EPC2: variants seen among roughly 807,000 people sequenced by gnomAD.
EPC2 encodes the protein enhancer of polycomb 2, also known as enhancer of polycomb homolog 2.
Under a neutral mutation model 92.1 loss-of-function variants are expected in EPC2, and 14 were observed. That is an observed-to-expected ratio of 0.15 (90% CI 0.10 to 0.24). EPC2 has a LOEUF of 0.24. EPC2 is among the 10% of genes least tolerant of loss of function. The pLI is 1.00. For missense variants in EPC2, 755 were observed against 971.5 expected, an observed-to-expected ratio of 0.78 and a Z score of 2.96; for synonymous variants, 340 against 334.7, an observed-to-expected ratio of 1.02 and a Z score of -0.17.
In EPC2 at chr2:148,786,741, A is replaced by T. The variant is rs960905956; in HGVS notation, c.*364A>T. 1 of 157,162 alleles carries T rather than the reference A, an allele frequency of 6.4e-6. No homozygotes were observed. Among genetic ancestry groups the T allele is most frequent in the Non-Finnish European group, 1.4e-5 (1 of 71,176 alleles). The allele number at this position is 157,162 out of a possible 1,614,324, so 9.7% of individuals were successfully genotyped here. ...TTTAACTATTTATTTTGCCATGTTT[A>T]CATTTTGTATCTTGTAAAAATAAAT... On this transcript the variant is annotated 3_prime_UTR_variant, in exon 14 of 14. Transcript: ENST00000258484.
In EPC2 at chr2:148,674,566, T is replaced by G. The variant is rs1681225671; in HGVS notation, c.154-15648T>G. Among the ~76,000 whole-genome samples, 3 of 152,314 alleles carry G rather than the reference T, an allele frequency of 2.0e-5. No individual in the cohort carries two copies. In the South Asian group the frequency reaches 6.2e-4, roughly 32 times the overall value. Reference sequence around the variant, plus strand: ...ACAAAGTTGCTGAGCCCAATTCTGTTCTCAGTGGACCCCAGGTATCCAAAG... The same window carrying G: ...ACAAAGTTGCTGAGCCCAATTCTGTGCTCAGTGGACCCCAGGTATCCAAAG... On this transcript the variant is annotated intron_variant, in intron 1 of 13. Transcript: ENST00000258484.
chr2:148,677,968 C>A (rs1006853316), intron 1 of EPC2, among the ~76,000 whole-genome samples: 1 of 152,106 alleles, frequency 6.6e-6, no homozygotes, highest in African/African-American at 2.4e-5. Flanking sequence ...AACAAAGCTT[C>A]CACAGTGTGG....
At chr2:148,659,889 G>T (rs16829136) in intron 1 of EPC2, among the ~76,000 whole-genome samples, 28,022 of 152,008 alleles carry the variant, frequency 0.18, 3,301 homozygotes, top group East Asian at 0.49. Flanking sequence ...TCGTTGGAAA[G>T]GTACTCAGCC....
At chr2:148,677,797 T>A (rs1377197226) in intron 1 of EPC2, among the ~76,000 whole-genome samples, 2 of 152,040 alleles carry the variant, frequency 1.3e-5, no homozygotes, top group African/African-American at 4.8e-5. Flanking sequence ...TTACAGCTCT[T>A]AAGGCGGCGC....
Position 148,644,963 on chromosome 2 carries a change from CT to C in EPC2, c.-54del, listed in dbSNP as rs1683762650. 41 of 1,483,230 alleles carry C rather than the reference CT, an allele frequency of 2.8e-5. No homozygotes were observed. In the South Asian group the frequency reaches 4.8e-4, roughly 17 times the overall value. The allele number at this position is 1,483,230 out of a possible 1,614,324, so 91.9% of individuals were successfully genotyped here. On this transcript the variant is annotated 5_prime_UTR_variant, in exon 1 of 14. Coordinates refer to ENST00000258484, the MANE Select transcript of EPC2 (RefSeq NM_015630.4). ...AGGAGGCGGCGGGAGTCCTCCCCCCCTCCCCGCCCGCCCCGCCGCCGCCGCC... is the reference window on the plus strand; with the variant it reads ...AGGAGGCGGCGGGAGTCCTCCCCCCCCCCCGCCCGCCCCGCCGCCGCCGCC...
intron 1 of EPC2, among the ~76,000 whole-genome samples, chr2:148,660,184 C>CAATTTG: frequency 6.6e-6 from 1 of 151,796 alleles, no homozygotes. Flanking sequence ...GTGAATAGGT[C>CAATTTG]TATGTGTGTA....
chr2:148,647,619 CTTTTTTTTTTTTTTT>C (rs55731814), intron 1 of EPC2, among the ~76,000 whole-genome samples: 1 of 63,730 alleles, frequency 1.6e-5, no homozygotes, highest in Non-Finnish European at 2.8e-5. Context: ...GCCTTGCAGA[CTTTTTTTTTTTTTTT>C]TTTTTTTTTT....
intron 2 of EPC2, chr2:148,692,156 T>C (rs142018853): frequency 8.1e-4 from 184 of 225,770 alleles, no homozygotes; most frequent in African/African-American, 3.9e-3. Flanking sequence ...TAACATTTCC[T>C]TGGATGTGCT....
In EPC2 at chr2:148,658,503, G is replaced by A. The variant is rs59151951; in HGVS notation, c.153+13333G>A. 9.9e-3 allele frequency among the ~76,000 whole-genome samples: 1,512 copies of A among 152,060 alleles called. 24 individuals are homozygous for A. Among genetic ancestry groups the A allele is most frequent in the African/African-American group, 0.034 (1,417 of 41,452 alleles). Reference sequence around the variant, plus strand: ...ACTCAAATATTTCACTGTTCTGCACGTGTCTGCAAGTGACTGAGAAACTGT... The same window carrying A: ...ACTCAAATATTTCACTGTTCTGCACATGTCTGCAAGTGACTGAGAAACTGT... On this transcript the variant is annotated intron_variant, in intron 1 of 13. Coordinates refer to ENST00000258484, the MANE Select transcript of EPC2 (RefSeq NM_015630.4).
intron 5 of EPC2, 90 bp downstream of exon 5, chr2:148,762,020 A>G: frequency 9.2e-7 from 1 of 1,086,592 alleles, no homozygotes; most frequent in Non-Finnish European, 1.3e-6. Flanking sequence ...GGAACAGGTT[A>G]AGCTTTATGA....
Position 148,769,160 on chromosome 2 carries a change from C to A in EPC2, c.1150C>A (p.Pro384Thr). The A allele has an allele frequency of 6.2e-7, 1 of 1,611,732 alleles. No individual in the cohort carries two copies. The highest frequency in any genetic ancestry group is 8.5e-7 in the Non-Finnish European group (1 of 1,178,798). ...TGCCTCTTTTGTCTAGGTATTGTCC[C>A]CAGTATCAGAACCGGAAGAAGAAAA... ...DEDEFPQVLS[P>T]VSEPEEENDP... Residue 384 changes from proline (P) to threonine (T), a missense_variant, in exon 8 of 14, where the codon CCA becomes ACA. Pro to Thr is a conservative substitution (Grantham distance 38). This residue lies in a region of EPC2 where 509 missense variants were observed against 607.7 expected (regional missense o/e 0.84). Coordinates refer to ENST00000258484, the MANE Select transcript of EPC2 (RefSeq NM_015630.4).
At chr2:148,780,758 C>G (rs556101320) in intron 10 of EPC2, among the ~76,000 whole-genome samples, 1 of 152,256 alleles carries the variant, frequency 6.6e-6, no homozygotes, top group East Asian at 1.9e-4. Flanking sequence ...CAAAATTACT[C>G]TAAAGTACAT....
At chr2:148,714,897 A>T (rs1338345818) in intron 2 of EPC2, among the ~76,000 whole-genome samples, 1 of 151,992 alleles carries the variant, frequency 6.6e-6, no homozygotes, top group East Asian at 1.9e-4. Context: ...GCTGTGCATA[A>T]GCTCTTTAGT....
chr2:148,705,708 G>A (rs903522568), intron 2 of EPC2, among the ~76,000 whole-genome samples: 7 of 144,480 alleles, frequency 4.8e-5, no homozygotes, highest in South Asian at 4.3e-4. Flanking sequence ...CCAAGCAAAC[G>A]GTCTGGAGTG....
chr2:148,706,516 G>A (rs1558815392), intron 2 of EPC2, among the ~76,000 whole-genome samples: 1 of 152,086 alleles, frequency 6.6e-6, no homozygotes, highest in Non-Finnish European at 1.5e-5. Context: ...GATACTCATC[G>A]AGAAGAGCAA....
intron 10 of EPC2, among the ~76,000 whole-genome samples, chr2:148,778,757 A>G (rs548030156): frequency 6.6e-6 from 1 of 152,326 alleles, no homozygotes; most frequent in African/African-American, 2.4e-5. Context: ...ACAGTGCTCT[A>G]GAAAATTCTG....
At chr2:148,673,825 A>G (rs1460058618) in intron 1 of EPC2, among the ~76,000 whole-genome samples, 2 of 152,062 alleles carry the variant, frequency 1.3e-5, no homozygotes, top group Non-Finnish European at 2.9e-5. Context: ...ACCTCAAGTG[A>G]TCTGCTGGCC....
At chr2:148,746,655 A>T (rs1682991235) in intron 3 of EPC2, among the ~76,000 whole-genome samples, 1 of 152,130 alleles carries the variant, frequency 6.6e-6, no homozygotes, top group Non-Finnish European at 1.5e-5. Flanking sequence ...TGGAATATAG[A>T]GAGTAGATTA....
At chr2:148,681,951 T>G (rs1681405685) in intron 1 of EPC2, among the ~76,000 whole-genome samples, 1 of 152,128 alleles carries the variant, frequency 6.6e-6, no homozygotes, top group Non-Finnish European at 1.5e-5. Flanking sequence ...AGTTCCCACC[T>G]ATGAGTGAGA....
Sources: allele counts gnomAD v4.1 joint callset (sites outside exome capture counted in the v4.1 genomes callset), GRCh38; gene constraint gnomAD v4.1.1; regional missense constraint gnomAD v4.1.1; transcripts MANE v1.5; gene names NCBI Gene and HGNC (gene_info 2026-07-23, HGNC 2026-07-21).